SRBD1: variants seen among roughly 807,000 people sequenced by gnomAD.
SRBD1 encodes S1 RNA binding domain 1.
In SRBD1, 88 loss-of-function variants were observed where a neutral mutation model predicts 115.3. The ratio of observed to expected loss-of-function variants is 0.76; its 90% CI spans 0.64 to 0.91. The LOEUF is 0.91. Ranked by LOEUF, SRBD1 falls within the 40% of genes least tolerant of loss-of-function variation. SRBD1 has a pLI of 0.00. For synonymous variants in SRBD1, 509 were observed against 407.7 expected (o/e 1.25, Z -2.99); for missense variants, 1,385 against 1,177.4 (o/e 1.18, Z -2.58).
chr2:45,494,863 G>A (rs566031642), intron 14 of SRBD1, among the ~76,000 whole-genome samples: 1 of 152,256 alleles, frequency 6.6e-6, no homozygotes, highest in East Asian at 1.9e-4. Context: ...CTTTAGATAC[G>A]TAACACTAGC....
chr2:45,453,243 T>C (rs1314132790), intron 16 of SRBD1, among the ~76,000 whole-genome samples: 1 of 145,840 alleles, frequency 6.9e-6, no homozygotes, highest in African/African-American at 2.5e-5. Context: ...ATATATACTT[T>C]GACTGACTTC....
chr2:45,422,984 G>C (rs532150277), intron 16 of SRBD1, among the ~76,000 whole-genome samples: 1 of 152,268 alleles, frequency 6.6e-6, no homozygotes, highest in Non-Finnish European at 1.5e-5. Flanking sequence ...ACAAAATTGA[G>C]AGAAAATGTT....
intron 14 of SRBD1, among the ~76,000 whole-genome samples, chr2:45,514,247 C>T (rs551831221): frequency 6.6e-6 from 1 of 152,064 alleles, no homozygotes; most frequent in East Asian, 1.9e-4. Flanking sequence ...TTCCTATAAC[C>T]TGATTTTTCA....
intron 4 of SRBD1, among the ~76,000 whole-genome samples, chr2:45,587,709 T>G (rs1417213052): frequency 6.6e-6 from 1 of 152,168 alleles, no homozygotes; most frequent in Non-Finnish European, 1.5e-5. Context: ...GAGGTCTACA[T>G]CTTATCACCC....
chr2:45,528,734 G>A (rs1358543616), intron 14 of SRBD1, among the ~76,000 whole-genome samples: 2 of 151,886 alleles, frequency 1.3e-5, no homozygotes, highest in Admixed American at 1.3e-4. Flanking sequence ...CAAAGCGGGT[G>A]AGGAAAATAT....
chr2:45,587,536 G>A (rs1464419932), intron 4 of SRBD1, among the ~76,000 whole-genome samples: 2 of 151,742 alleles, frequency 1.3e-5, no homozygotes, highest in Admixed American at 6.6e-5. Context: ...CAGAAACTGG[G>A]GTAAAAAACA....
chr2:45,569,123 T>C (rs1056816548), intron 9 of SRBD1: 1 of 152,262 alleles, frequency 6.6e-6, no homozygotes, highest in African/African-American at 2.4e-5. Context: ...ACTCTTCATG[T>C]CTTGTTACAA....
intron 19 of SRBD1, among the ~76,000 whole-genome samples, chr2:45,406,767 C>T (rs532543186): frequency 6.6e-6 from 1 of 152,194 alleles, no homozygotes; most frequent in African/African-American, 2.4e-5. Context: ...TAAATCGGCA[C>T]AGTTTCATTT....
chr2:45,558,683 TTA>T (rs1457367480), intron 10 of SRBD1, among the ~76,000 whole-genome samples: 51 of 140,370 alleles, frequency 3.6e-4, no homozygotes, highest in African/African-American at 1.3e-3. Context: ...AGCCACACAA[TTA>T]TTTTTTTTTT....
At chr2:45,487,810 T>C (rs1670166226) in intron 15 of SRBD1, among the ~76,000 whole-genome samples, 1 of 151,990 alleles carries the variant, frequency 6.6e-6, no homozygotes, top group Admixed American at 6.6e-5. Context: ...CCTGCCACCA[T>C]GCCCAACTAA....
At chr2:45,609,554 G>A (rs962510993) in intron 1 of SRBD1, among the ~76,000 whole-genome samples, 10 of 152,222 alleles carry the variant, frequency 6.6e-5, no homozygotes, top group South Asian at 2.1e-4. Flanking sequence ...ACATTTTTAT[G>A]AGGCCTTTGA....
intron 9 of SRBD1, among the ~76,000 whole-genome samples, chr2:45,564,116 C>T (rs906021274): frequency 6.6e-6 from 1 of 151,980 alleles, no homozygotes; most frequent in African/African-American, 2.4e-5. Flanking sequence ...GAATCAATTC[C>T]AGGAATGCCC....
intron 7 of SRBD1, 31 bp downstream of exon 7, chr2:45,579,844 C>G (rs748747731): frequency 3.6e-6 from 5 of 1,402,774 alleles, no homozygotes; most frequent in Non-Finnish European, 4.7e-6. Context: ...AAAAAAGAAA[C>G]AAAGTTGATC....
At chr2:45,518,743 T>C (rs1052837700) in intron 14 of SRBD1, among the ~76,000 whole-genome samples, 3 of 152,174 alleles carry the variant, frequency 2.0e-5, no homozygotes, top group Non-Finnish European at 4.4e-5. Flanking sequence ...AAATTTTCTA[T>C]ATAAAGGATA....
chr2:45,458,850 C>T (rs1669227943), intron 16 of SRBD1, among the ~76,000 whole-genome samples: 1 of 152,120 alleles, frequency 6.6e-6, no homozygotes, highest in African/African-American at 2.4e-5. Context: ...AGAATGACTA[C>T]AGGGGAATCA....
At chr2:45,572,350 T>C (rs900255419) in intron 9 of SRBD1, among the ~76,000 whole-genome samples, 14 of 152,138 alleles carry the variant, frequency 9.2e-5, no homozygotes, top group African/African-American at 2.9e-4. Flanking sequence ...GATAAAAAAA[T>C]TGCTGGAGAT....
intron 16 of SRBD1, among the ~76,000 whole-genome samples, chr2:45,476,463 C>CCATT (rs1425518854): frequency 6.6e-6 from 1 of 152,160 alleles, no homozygotes; most frequent in Admixed American, 6.5e-5. Flanking sequence ...TCCCCACATA[C>CCATT]CATTTTGCTA....
At chr2:45,477,685 G>A (rs1047817446) in intron 15 of SRBD1, among the ~76,000 whole-genome samples, 3 of 152,160 alleles carry the variant, frequency 2.0e-5, no homozygotes, top group Non-Finnish European at 4.4e-5. Flanking sequence ...AAAGTGTTGG[G>A]ATTAGAGGCA....
At chr2:45,606,454 C>G (rs1176942954) in intron 1 of SRBD1, among the ~76,000 whole-genome samples, 1 of 152,044 alleles carries the variant, frequency 6.6e-6, no homozygotes, top group Non-Finnish European at 1.5e-5. Context: ...GTCACTGTGC[C>G]CAGCCTATTC....
Sources: gnomAD v4.1 joint callset for allele counts (sites outside exome capture counted in the v4.1 genomes callset) on GRCh38, gnomAD v4.1.1 for gene constraint, MANE v1.5 for transcripts, NCBI Gene and HGNC (gene_info 2026-07-23, HGNC 2026-07-21) for gene names.